GRIA1: variants seen among roughly 807,000 people sequenced by gnomAD.
GRIA1 encodes the protein glutamate receptor 1.
GRIA1 carries 31 observed loss-of-function variants against 99.2 expected under a neutral mutation model. The ratio of observed to expected loss-of-function variants is 0.31; its 90% confidence interval spans 0.23 to 0.42. The LOEUF (loss-of-function observed/expected upper bound fraction) is 0.42. GRIA1 is among the 10% of genes least tolerant of loss of function. The probability of loss-of-function intolerance (pLI) is 1.00; values close to 1 mark genes in which losing one functional copy is unlikely to be tolerated. For missense variants in GRIA1, 782 were observed against 1,157.5 expected (o/e 0.68, Z 4.71); for synonymous variants, 438 against 432.4 (o/e 1.01, Z -0.16).
chr5:153,580,430 T>G (rs576407748), intron 2 of GRIA1, among the ~76,000 whole-genome samples: 1 of 152,320 alleles, frequency 6.6e-6, no homozygotes, highest in African/African-American at 2.4e-5. Flanking sequence ...TAAAAAGTGA[T>G]GTAGCTCAGA....
chr5:153,575,008 T>G (rs897202908), intron 2 of GRIA1, among the ~76,000 whole-genome samples: 6 of 152,154 alleles, frequency 3.9e-5, no homozygotes, highest in Admixed American at 3.9e-4. Context: ...AATGCCTGAC[T>G]GATAAAAAAG....
chr5:153,623,182 T>C (rs1767228094), intron 2 of GRIA1, among the ~76,000 whole-genome samples: 1 of 152,082 alleles, frequency 6.6e-6, no homozygotes, highest in Non-Finnish European at 1.5e-5. Flanking sequence ...CTTCCAAGAA[T>C]GTGGATGGTG....
chr5:153,616,426 G>A (rs748970861), intron 2 of GRIA1, among the ~76,000 whole-genome samples: 1 of 151,846 alleles, frequency 6.6e-6, no homozygotes, highest in African/African-American at 2.4e-5. Flanking sequence ...AAGAAGAATT[G>A]TCTTGGGCCA....
chr5:153,644,152 G>T (rs559210469), intron 2 of GRIA1, among the ~76,000 whole-genome samples: 2 of 152,274 alleles, frequency 1.3e-5, no homozygotes, highest in South Asian at 2.1e-4. Context: ...GATGGATTGT[G>T]CATTTTGACA....
At chr5:153,556,198 A>G (rs1760626204) in intron 2 of GRIA1, among the ~76,000 whole-genome samples, 2 of 152,190 alleles carry the variant, frequency 1.3e-5, no homozygotes, top group Admixed American at 1.3e-4. Flanking sequence ...GTTGAACTAC[A>G]CGGTGTTTCT....
At chr5:153,600,164 G>T (rs1040229577) in intron 2 of GRIA1, among the ~76,000 whole-genome samples, 12 of 151,980 alleles carry the variant, frequency 7.9e-5, no homozygotes, top group African/African-American at 1.9e-4. Context: ...GGCCGAGGCG[G>T]GTGGATCGCG....
chr5:153,804,998 C>T (rs564882857), intron 15 of GRIA1, among the ~76,000 whole-genome samples: 41 of 152,120 alleles, frequency 2.7e-4, no homozygotes, highest in African/African-American at 9.9e-4. Flanking sequence ...ATAATCCACC[C>T]ACCTCGGCCT....
chr5:153,650,896 TAAAAAA>T (rs71575151), intron 4 of GRIA1, among the ~76,000 whole-genome samples: 25 of 70,144 alleles, frequency 3.6e-4, no homozygotes, highest in Non-Finnish European at 6.6e-4. Context: ...CTGTCTCCAC[TAAAAAA>T]AAAAAAAAAA....
intron 5 of GRIA1, among the ~76,000 whole-genome samples, chr5:153,656,383 T>TATATATATATATATATATATATATATA (rs1754951606): frequency 3.2e-5 from 3 of 92,678 alleles, no homozygotes; most frequent in South Asian, 3.4e-4. Flanking sequence ...ATAAGTTTGT[T>TATATATATATATATATATATATATATA]TATATATATA....
intron 13 of GRIA1, 78 bp from the exon 14 acceptor site, chr5:153,794,543 A>T: frequency 1.0e-6 from 1 of 959,282 alleles, no homozygotes; most frequent in Non-Finnish European, 1.7e-6. Flanking sequence ...GAGCTGATTC[A>T]CCGATCCCTT....
At chr5:153,787,349 CT>C (rs1019076563) in intron 13 of GRIA1, among the ~76,000 whole-genome samples, 1 of 152,120 alleles carries the variant, frequency 6.6e-6, no homozygotes, top group African/African-American at 2.4e-5. Flanking sequence ...TTAGAGGATT[CT>C]TTTTGTTCTT....
At chr5:153,751,239 C>T (rs1762492903) in intron 11 of GRIA1, among the ~76,000 whole-genome samples, 1 of 152,232 alleles carries the variant, frequency 6.6e-6, no homozygotes, top group Non-Finnish European at 1.5e-5. Flanking sequence ...TGACAGTGCC[C>T]TCTGCTTTCT....
chr5:153,716,714 A>C (rs1759690269), intron 11 of GRIA1, among the ~76,000 whole-genome samples: 1 of 152,224 alleles, frequency 6.6e-6, no homozygotes, highest in African/African-American at 2.4e-5. Flanking sequence ...CCATAGTCAC[A>C]GCCAAAGCTG....
At chr5:153,801,329 C>A (rs192578415) in intron 14 of GRIA1, among the ~76,000 whole-genome samples, 11 of 144,634 alleles carry the variant, frequency 7.6e-5, no homozygotes, top group Admixed American at 1.4e-4. Context: ...CACCTCCCAC[C>A]ATGACCATCA....
intron 2 of GRIA1, among the ~76,000 whole-genome samples, chr5:153,536,200 T>A (rs1758556352): frequency 6.6e-6 from 1 of 152,144 alleles, no homozygotes; most frequent in Non-Finnish European, 1.5e-5. Flanking sequence ...CTCATTTCCC[T>A]CCTGTTTCTG....
intron 2 of GRIA1, among the ~76,000 whole-genome samples, chr5:153,631,220 G>A (rs1752942869): frequency 6.6e-6 from 1 of 152,208 alleles, no homozygotes; most frequent in South Asian, 2.1e-4. Flanking sequence ...ATTAGATACA[G>A]TGTTGTCCCT....
intron 10 of GRIA1, among the ~76,000 whole-genome samples, chr5:153,705,368 T>G (rs1409103162): frequency 1.3e-5 from 2 of 152,148 alleles, no homozygotes; most frequent in Admixed American, 1.3e-4. Flanking sequence ...GCAAGAATGG[T>G]TCTCCTGCCA....
chr5:153,578,447 A>C (rs34049703), intron 2 of GRIA1, among the ~76,000 whole-genome samples: 16,144 of 152,212 alleles, frequency 0.11, 955 homozygotes, highest in South Asian at 0.25. Flanking sequence ...TGGAATGTTT[A>C]TGGCAAGGGA....
At chr5:153,641,320 C>T (rs1753765425) in intron 2 of GRIA1, among the ~76,000 whole-genome samples, 1 of 152,092 alleles carries the variant, frequency 6.6e-6, no homozygotes, top group South Asian at 2.1e-4. Flanking sequence ...GCCAGGAGTT[C>T]CCTCCCTGGG....
Sources: allele counts gnomAD v4.1 joint callset (sites outside exome capture counted in the v4.1 genomes callset), GRCh38; gene constraint gnomAD v4.1.1; transcripts MANE v1.5; gene names NCBI Gene and HGNC (gene_info 2026-07-23, HGNC 2026-07-21).